The following CLEC16A variants were observed in gnomAD, a reference collection of about 807,000 sequenced individuals.
CLEC16A encodes the protein protein CLEC16A.
CLEC16A carries 51 observed loss-of-function variants against 109.5 expected under a neutral mutation model. The ratio of observed to expected loss-of-function variants is 0.47; its 90% CI spans 0.37 to 0.59. The LOEUF (loss-of-function observed/expected upper bound fraction) is 0.59. CLEC16A is among the 20% of genes least tolerant of loss of function. The pLI is 0.00. For missense variants in CLEC16A, 1,339 were observed against 1,394.0 expected (o/e 0.96, Z 0.63); for synonymous variants, 673 against 564.2 (o/e 1.19, Z -2.73).
At chr16:11,167,899 G>T (rs1159439293) in intron 23 of CLEC16A, among the ~76,000 whole-genome samples, 4 of 152,210 alleles carry the variant, frequency 2.6e-5, no homozygotes, top group African/African-American at 7.2e-5. Context: ...CGCACCCTCA[G>T]TAGCCCTCTT....
intron 16 of CLEC16A, among the ~76,000 whole-genome samples, 193 bp from the exon 17 acceptor site, chr16:11,047,099 A>G (rs1048568932): frequency 5.3e-5 from 8 of 152,144 alleles, no homozygotes; most frequent in Admixed American, 2.6e-4. Flanking sequence ...GAATAGTGCA[A>G]TTTGATATTT....
Position 11,093,866 on chromosome 16 carries a change from G to A in CLEC16A, c.2117-26749G>A, listed in dbSNP as rs1482326459. Among the ~76,000 whole-genome samples the A allele has an allele frequency of 2.0e-5, 3 of 152,134 alleles. No homozygotes were observed. In the East Asian group the frequency reaches 5.8e-4, roughly 29 times the overall value. ...GGTAGCAAGAATGGAGGCGGCAGCT[G>A]GTGAAACATGCCTCTCTCATTCACC... is the stretch of plus-strand genomic sequence containing the variant. On this transcript the variant is annotated intron_variant, in intron 19 of 23. Transcript: ENST00000409790.
intron 22 of CLEC16A, chr16:11,157,360 G>T: frequency 2.2e-6 from 1 of 451,206 alleles, no homozygotes; most frequent in South Asian, 4.3e-5. Flanking sequence ...GGCTGGACAG[G>T]AAGTGGCTTC....
At chr16:11,070,751 AAC>A (rs1294858559) in intron 19 of CLEC16A, 10 of 152,286 alleles carry the variant, frequency 6.6e-5, no homozygotes, top group African/African-American at 2.4e-4. Flanking sequence ...CTCTTCTTCA[AAC>A]ACACCTGGCA....
At chr16:11,031,603 A>T (rs372993855) in intron 13 of CLEC16A, among the ~76,000 whole-genome samples, 14 of 152,310 alleles carry the variant, frequency 9.2e-5, no homozygotes, top group African/African-American at 3.4e-4. Context: ...CTTCCAACAA[A>T]TATTTTGGAA....
chr16:11,169,479 G>A (rs2068413915), intron 23 of CLEC16A, among the ~76,000 whole-genome samples: 1 of 152,244 alleles, frequency 6.6e-6, no homozygotes, highest in African/African-American at 2.4e-5. Context: ...TAGAGATGGG[G>A]TTTCACCATG....
intron 13 of CLEC16A, among the ~76,000 whole-genome samples, chr16:11,037,884 A>C (rs2047112758): frequency 6.6e-6 from 1 of 151,862 alleles, no homozygotes; most frequent in South Asian, 2.1e-4. Context: ...CTCTGGAAAA[A>C]ACAAATGCCA....
intron 2 of CLEC16A, among the ~76,000 whole-genome samples, chr16:10,960,350 A>G (rs2042196943): frequency 6.6e-6 from 1 of 152,130 alleles, no homozygotes; most frequent in South Asian, 2.1e-4. Flanking sequence ...GCCACCCTGA[A>G]AGTTTTGAGA....
Position 10,944,598 on chromosome 16 carries a change from C to T in CLEC16A, c.-120C>T, listed in dbSNP as rs1008448907. The T allele has an allele frequency of 3.8e-5, 36 of 959,492 alleles. No individual in the cohort carries two copies. Among genetic ancestry groups the T allele is most frequent in the East Asian group, 5.3e-5 (2 of 37,430 alleles). The allele number at this position is 959,492 out of a possible 1,614,324, so 59.4% of individuals were successfully genotyped here. On this transcript the variant is annotated 5_prime_UTR_variant, in exon 1 of 24. Transcript: ENST00000409790. ...CTGTGGGCCGGGGAGGAAGGCGGCT[C>T]GCGGTTCCTCCACCGCCTCCGCCGC... is the stretch of plus-strand genomic sequence containing the variant.
At chr16:10,988,543 C>T (rs894793636) in intron 10 of CLEC16A, among the ~76,000 whole-genome samples, 4 of 152,208 alleles carry the variant, frequency 2.6e-5, no homozygotes, top group Admixed American at 2.6e-4. Context: ...CACAAGGGCT[C>T]TCGTGACATT....
In CLEC16A at chr16:10,973,184, G is replaced by T. The variant is rs181664908; in HGVS notation, c.728+123G>T. On this transcript the variant is annotated intron_variant, in intron 7 of 23. Transcript: ENST00000409790. ...CCTACCTCTGTGTAGGCAGAGCATG[G>T]ACTTCCGTACTGTAAAAGGTCCTGC... The T allele has an allele frequency of 3.1e-4, 350 of 1,135,246 alleles. 4 individuals are homozygous for T. The South Asian group carries it at 5.5e-3, about 18-fold the overall frequency. The allele number at this position is 1,135,246 out of a possible 1,614,324, so 70.3% of individuals were successfully genotyped here.
Position 11,009,252 on chromosome 16 carries a change from T to C in CLEC16A, c.1303+5947T>C, listed in dbSNP as rs536719822. Among the ~76,000 whole-genome samples the C allele has an allele frequency of 2.6e-5, 4 of 152,344 alleles. No individual in the cohort carries two copies. In the East Asian group the frequency reaches 7.7e-4, roughly 29 times the overall value. On this transcript the variant is annotated intron_variant, in intron 11 of 23. Coordinates refer to ENST00000409790, the MANE Select transcript of CLEC16A (RefSeq NM_015226.3). ...TTCAAGGTTCATTCATGTTGTAGCA[T>C]GTGCTGGGGATTTCCTTCTCTTTCT...
chr16:11,071,196 A>C (rs2152925766), intron 19 of CLEC16A: 1 of 152,322 alleles, frequency 6.6e-6, no homozygotes, highest in East Asian at 1.9e-4. Context: ...TTTCTCTTGT[A>C]AAACCAGTAC....
At chr16:10,981,599 G>A (rs1212934967) in intron 9 of CLEC16A, among the ~76,000 whole-genome samples, 2 of 152,180 alleles carry the variant, frequency 1.3e-5, no homozygotes, top group African/African-American at 4.8e-5. Context: ...TATACCCTGA[G>A]CACCCAACTG....
intron 19 of CLEC16A, among the ~76,000 whole-genome samples, chr16:11,110,391 G>T (rs534282199): frequency 1.4e-3 from 211 of 152,312 alleles, no homozygotes; most frequent in African/African-American, 4.9e-3. Context: ...GACTGGGGGA[G>T]CAGCCAGGGA....
chr16:11,078,249 A>C (rs1597313234), intron 19 of CLEC16A, among the ~76,000 whole-genome samples: 2 of 151,910 alleles, frequency 1.3e-5, no homozygotes, highest in South Asian at 4.2e-4. Flanking sequence ...CTGTACCCAG[A>C]CCTCACTCCA....
At chr16:10,952,851 T>G (rs1307691534) in intron 1 of CLEC16A, among the ~76,000 whole-genome samples, 1 of 152,240 alleles carries the variant, frequency 6.6e-6, no homozygotes, top group Non-Finnish European at 1.5e-5. Flanking sequence ...AAATGTCGAC[T>G]ACCTAGCAGC....
At chr16:11,118,927 A>G (rs1301975820) in intron 19 of CLEC16A, among the ~76,000 whole-genome samples, 2 of 152,162 alleles carry the variant, frequency 1.3e-5, no homozygotes, top group African/African-American at 4.8e-5. Context: ...TATCAGTTTC[A>G]TTGAAGATCA....
At chr16:11,165,074 G>T (rs951859489) in intron 22 of CLEC16A, among the ~76,000 whole-genome samples, 2 of 152,156 alleles carry the variant, frequency 1.3e-5, no homozygotes, top group Non-Finnish European at 2.9e-5. Flanking sequence ...TCTGTGCCAC[G>T]AAGCACCATC....
Sources: gnomAD v4.1 joint callset for allele counts (sites outside exome capture counted in the v4.1 genomes callset) on GRCh38, gnomAD v4.1.1 for gene constraint, MANE v1.5 for transcripts, NCBI Gene and HGNC (gene_info 2026-07-23, HGNC 2026-07-21) for gene names.